Variants in GPHN observed in about 807,000 individuals in gnomAD.
The protein encoded by GPHN is gephyrin.
Under a neutral mutation model 95.5 loss-of-function variants are expected in GPHN, and 17 were observed. That is an observed-to-expected ratio of 0.18 (90% confidence interval 0.12 to 0.27). The LOEUF (loss-of-function observed/expected upper bound fraction) is 0.27. Among genes scored for constraint, GPHN ranks in the 10% least tolerant of loss-of-function variants. The pLI is 1.00. For missense variants in GPHN, 660 were observed against 978.1 expected, an observed-to-expected ratio of 0.67 and a Z score of 4.34; for synonymous variants, 320 against 322.5, an observed-to-expected ratio of 0.99 and a Z score of 0.08.
At chr14:66,650,442 C>T (rs978426512) in intron 1 of GPHN, among the ~76,000 whole-genome samples, 14 of 152,324 alleles carry the variant, frequency 9.2e-5, no homozygotes, top group African/African-American at 3.1e-4. Flanking sequence ...AGAGTTGATC[C>T]TGCCTGCTGC....
At chr14:67,657,226 T>G in the GPHN span, 1 of 152,144 alleles carries the variant, frequency 6.6e-6, no homozygotes, top group Non-Finnish European at 1.5e-5. Context: ...CATTCTTCTT[T>G]TTCAGCTTCT....
the GPHN span, among the ~76,000 whole-genome samples, chr14:67,194,958 C>T: frequency 6.6e-6 from 1 of 152,130 alleles, no homozygotes; most frequent in Admixed American, 6.6e-5. Context: ...GTGCCCCTCT[C>T]AGCCTCAAAG....
intron 19 of GPHN, among the ~76,000 whole-genome samples, chr14:67,162,681 T>C (rs2082040001): frequency 6.6e-6 from 1 of 152,192 alleles, no homozygotes; most frequent in Non-Finnish European, 1.5e-5. Flanking sequence ...CATAAATCAG[T>C]ATCAAAATCG....
intron 1 of GPHN, among the ~76,000 whole-genome samples, chr14:66,550,269 C>G (rs1343761976): frequency 6.6e-6 from 1 of 152,178 alleles, no homozygotes; most frequent in Non-Finnish European, 1.5e-5. Flanking sequence ...GTCAAAATGT[C>G]AACATTAACA....
the GPHN span, among the ~76,000 whole-genome samples, chr14:67,431,815 T>G: frequency 6.6e-6 from 1 of 152,202 alleles, no homozygotes; most frequent in African/African-American, 2.4e-5. Flanking sequence ...AACAGAGGTT[T>G]CCGCAGGGGG....
At chr14:67,044,318 C>T (rs968433620) in intron 10 of GPHN, among the ~76,000 whole-genome samples, 4 of 152,036 alleles carry the variant, frequency 2.6e-5, no homozygotes, top group Non-Finnish European at 4.4e-5. Flanking sequence ...GCCTGGGTGA[C>T]AGAGACAAGA....
At chr14:67,735,354 G>A in the GPHN span, 1 of 751,290 alleles carries the variant, frequency 1.3e-6, no homozygotes. Context: ...GCTCAGCCTG[G>A]GCAAGGAACA....
At chr14:67,469,121 T>C in the GPHN span, among the ~76,000 whole-genome samples, 1 of 152,160 alleles carries the variant, frequency 6.6e-6, no homozygotes, top group Non-Finnish European at 1.5e-5. Flanking sequence ...CTCATTTTCA[T>C]AAGGGAAAAA....
At chr14:66,834,859 A>T in intron 4 of GPHN, among the ~76,000 whole-genome samples, 2 of 139,332 alleles carry the variant, frequency 1.4e-5, no homozygotes, top group African/African-American at 2.7e-5. Flanking sequence ...CCTCTGGTAG[A>T]ATTCGGCTGT....
chr14:67,648,145 G>C, the GPHN span: 1 of 1,613,992 alleles, frequency 6.2e-7, no homozygotes, highest in Non-Finnish European at 8.5e-7. Flanking sequence ...CTAACCTATC[G>C]AGAAGGCATG....
At chr14:67,169,754 A>C (rs1478068397) in intron 21 of GPHN, among the ~76,000 whole-genome samples, 1 of 152,256 alleles carries the variant, frequency 6.6e-6, no homozygotes, top group Non-Finnish European at 1.5e-5. Flanking sequence ...TGCTATGATT[A>C]GTTGACAGGA....
the GPHN span, among the ~76,000 whole-genome samples, chr14:67,371,240 C>T: frequency 2.0e-5 from 3 of 151,698 alleles, no homozygotes; most frequent in African/African-American, 7.3e-5. Context: ...ATAGGGAGAC[C>T]CCATCTCTAT....
chr14:66,853,824 A>C (rs1450719239), intron 4 of GPHN, among the ~76,000 whole-genome samples: 1 of 152,244 alleles, frequency 6.6e-6, no homozygotes, highest in Non-Finnish European at 1.5e-5. Flanking sequence ...TATCAAAAAC[A>C]GATTTTGGCA....
the GPHN span, chr14:67,302,494 C>A: frequency 1.3e-6 from 2 of 1,597,112 alleles, no homozygotes; most frequent in South Asian, 2.3e-5. Flanking sequence ...TGGTCTGTTG[C>A]ATGAAGGAGA....
intron 4 of GPHN, among the ~76,000 whole-genome samples, chr14:66,834,028 G>C (rs573468070): frequency 3.9e-5 from 6 of 152,212 alleles, no homozygotes; most frequent in African/African-American, 1.4e-4. Flanking sequence ...TTCTATCGAA[G>C]AGTTCATTGT....
Position 66,666,462 on chromosome 14 carries a change from G to A in GPHN, c.65-14645G>A, listed in dbSNP as rs1249584315. ...GTTAAATAGGCTTTATCCCTGGGAT[G>A]CAAACTTGGTTCATCATTGCAAATC... On this transcript the variant is annotated intron_variant, in intron 1 of 22. Transcript: ENST00000478722. 4.0e-5 allele frequency among the ~76,000 whole-genome samples: 6 copies of A among 151,094 alleles called. No homozygotes were observed. In the East Asian group the frequency reaches 7.8e-4, roughly 20 times the overall value.
intron 13 of GPHN, among the ~76,000 whole-genome samples, chr14:67,101,197 A>G (rs1595137464): frequency 6.6e-6 from 1 of 152,212 alleles, no homozygotes; most frequent in Admixed American, 6.5e-5. Context: ...TCCTGAAAAA[A>G]AAAATGTTCT....
the GPHN span, among the ~76,000 whole-genome samples, chr14:67,672,415 G>A: frequency 6.4e-5 from 9 of 140,514 alleles, no homozygotes; most frequent in Non-Finnish European, 1.2e-4. Flanking sequence ...CACCATGCCT[G>A]GCCTGCAGTC....
intron 13 of GPHN, among the ~76,000 whole-genome samples, chr14:67,104,155 G>A (rs1290626923): frequency 6.6e-6 from 1 of 152,148 alleles, no homozygotes; most frequent in Non-Finnish European, 1.5e-5. Flanking sequence ...TTCTGTTGGT[G>A]TGATGTATCA....
Sources: allele counts gnomAD v4.1 joint callset (sites outside exome capture counted in the v4.1 genomes callset), GRCh38; gene constraint gnomAD v4.1.1; transcripts MANE v1.5; gene names NCBI Gene and HGNC (gene_info 2026-07-23, HGNC 2026-07-21).